Variants in RGS20 observed in about 807,000 individuals in gnomAD.
The protein encoded by RGS20 is gz-selective GTPase-activating protein.
In RGS20, 30 loss-of-function variants were observed where a neutral mutation model predicts 33.6. The ratio of observed to expected loss-of-function variants is 0.89; its 90% CI spans 0.67 to 1.21. RGS20 has a LOEUF of 1.21. RGS20 is among the 50% of genes most tolerant of loss of function. The pLI, the probability that RGS20 is intolerant of heterozygous loss-of-function variation, is 0.00. For synonymous variants in RGS20, 208 were observed against 197.9 expected, an observed-to-expected ratio of 1.05 and a Z score of -0.43; for missense variants, 472 against 502.4, an observed-to-expected ratio of 0.94 and a Z score of 0.58.
chr8:53,884,191 C>CTTTTTTTTTTTTTTTT (rs4014055), intron 2 of RGS20, among the ~76,000 whole-genome samples: 3 of 103,478 alleles, frequency 2.9e-5, no homozygotes, highest in African/African-American at 1.4e-4. Context: ...GAAAAACAGT[C>CTTTTTTTTTTTTTTTT]TTTTTTTTTT....
chr8:53,916,856 C>T (rs925343881), intron 2 of RGS20, among the ~76,000 whole-genome samples: 1 of 152,084 alleles, frequency 6.6e-6, no homozygotes, highest in Non-Finnish European at 1.5e-5. Context: ...TTCCTGGTTG[C>T]CAGAAACCAG....
At position 53,946,760 on chromosome 8, in the gene RGS20, CG is replaced by C. The variant is rs1814493662; in HGVS notation, c.743+13del. The C allele has an allele frequency of 2.5e-6, 4 of 1,608,772 alleles. No individual in the cohort carries two copies. Among genetic ancestry groups the C allele is most frequent in the African/African-American group, 1.3e-5 (1 of 74,428 alleles). ...ACCTGGGAAGAAAGGTGAAATCACA[CG>C]TTTTTTTTACCTCACTAAACTAACA... On this transcript the variant is annotated intron_variant, in intron 4 of 5. Transcript: ENST00000297313.
At chr8:53,868,199 T>C (rs1811964202) in intron 1 of RGS20, among the ~76,000 whole-genome samples, 1 of 152,182 alleles carries the variant, frequency 6.6e-6, no homozygotes. Context: ...TCCTATTTGC[T>C]GAGGGTGAGA....
chr8:53,948,730 T>C (rs1285442407), intron 4 of RGS20, among the ~76,000 whole-genome samples: 1 of 89,176 alleles, frequency 1.1e-5, no homozygotes, highest in African/African-American at 4.8e-5. Flanking sequence ...CATATTTACA[T>C]ATGCTATATA....
chr8:53,880,930 G>A, intron 2 of RGS20: 3 of 1,552,438 alleles, frequency 1.9e-6, no homozygotes, highest in Admixed American at 3.9e-5. Context: ...GAGAGCCGGA[G>A]AAAGGCGAAA....
intron 1 of RGS20, among the ~76,000 whole-genome samples, chr8:53,860,086 TAA>T (rs1811778173): frequency 6.6e-6 from 1 of 152,242 alleles, no homozygotes; most frequent in Non-Finnish European, 1.5e-5. Flanking sequence ...TTGTGTCACT[TAA>T]GAGTTTATTT....
intron 2 of RGS20, among the ~76,000 whole-genome samples, chr8:53,919,581 T>C (rs1585921881): frequency 6.6e-6 from 1 of 151,616 alleles, no homozygotes; most frequent in East Asian, 1.9e-4. Context: ...GTTTGAAGCA[T>C]AACATTTTTT....
At chr8:53,852,553 C>T (rs950430348) in intron 1 of RGS20, among the ~76,000 whole-genome samples, 2 of 152,064 alleles carry the variant, frequency 1.3e-5, no homozygotes, top group African/African-American at 4.8e-5. Context: ...GGTGAATTTC[C>T]TAAGCATGAG....
chr8:53,878,334 C>A (rs2129273527), intron 1 of RGS20, among the ~76,000 whole-genome samples: 1 of 152,042 alleles, frequency 6.6e-6, no homozygotes, highest in Non-Finnish European at 1.5e-5. Flanking sequence ...TAAATGAACT[C>A]AAAAAATAAA....
intron 1 of RGS20, among the ~76,000 whole-genome samples, chr8:53,857,759 A>C (rs1184810036): frequency 6.6e-6 from 1 of 152,244 alleles, no homozygotes; most frequent in Non-Finnish European, 1.5e-5. Context: ...GCCAGTAAAT[A>C]TAATGCAAAT....
chr8:53,853,309 A>G (rs1197039877), intron 1 of RGS20, among the ~76,000 whole-genome samples: 4 of 152,246 alleles, frequency 2.6e-5, no homozygotes, highest in African/African-American at 9.6e-5. Context: ...AGTTCTAACT[A>G]TCTTGAGAAG....
At chr8:53,919,037 T>C (rs999605501) in intron 2 of RGS20, among the ~76,000 whole-genome samples, 1 of 152,238 alleles carries the variant, frequency 6.6e-6, no homozygotes, top group Admixed American at 6.5e-5. Context: ...ACATGTAGCA[T>C]ATGAGGATTC....
intron 4 of RGS20, among the ~76,000 whole-genome samples, chr8:53,952,418 T>C (rs899997475): frequency 3.3e-5 from 5 of 151,146 alleles, no homozygotes; most frequent in Middle Eastern, 3.4e-3. Context: ...TAGTCAACCA[T>C]TTTGATAAAC....
At chr8:53,956,178 C>A (rs943977879) in intron 5 of RGS20, among the ~76,000 whole-genome samples, 4 of 152,252 alleles carry the variant, frequency 2.6e-5, no homozygotes, top group African/African-American at 9.6e-5. Flanking sequence ...GGAGACAGGA[C>A]CAGGCGAGCC....
chr8:53,880,842 G>A (rs1585880630), intron 2 of RGS20, 30 bp from the exon 1 acceptor site: 1 of 1,392,744 alleles, frequency 7.2e-7, no homozygotes, highest in Non-Finnish European at 9.3e-7. Flanking sequence ...GCCCGGCCGG[G>A]TAAAAGGAGT....
At chr8:53,917,622 G>A (rs936924391) in intron 2 of RGS20, among the ~76,000 whole-genome samples, 1 of 152,124 alleles carries the variant, frequency 6.6e-6, no homozygotes, top group African/African-American at 2.4e-5. Flanking sequence ...AAAGAGCACA[G>A]GCCAGGCACA....
intron 2 of RGS20, among the ~76,000 whole-genome samples, chr8:53,891,545 C>T (rs923861110): frequency 2.0e-5 from 3 of 152,036 alleles, no homozygotes; most frequent in South Asian, 2.1e-4. Flanking sequence ...CGCTTGAACC[C>T]GGGAGGCAGA....
At chr8:53,932,045 G>A (rs1813986522) in intron 2 of RGS20, among the ~76,000 whole-genome samples, 2 of 152,176 alleles carry the variant, frequency 1.3e-5, no homozygotes, top group South Asian at 4.1e-4. Flanking sequence ...AAAATTCTGG[G>A]TGGAAAATTC....
At chr8:53,943,122 GA>G (rs1234369129) in intron 3 of RGS20, among the ~76,000 whole-genome samples, 55 of 152,266 alleles carry the variant, frequency 3.6e-4, no homozygotes, top group African/African-American at 1.3e-3. Flanking sequence ...TTATGAATTG[GA>G]ATGGTAAACA....
Sources: gnomAD v4.1 joint callset for allele counts (sites outside exome capture counted in the v4.1 genomes callset) on GRCh38, gnomAD v4.1.1 for gene constraint, MANE v1.5 for transcripts, NCBI Gene and HGNC (gene_info 2026-07-23, HGNC 2026-07-21) for gene names.